P4HA3: variants seen among roughly 807,000 people sequenced by gnomAD.
The protein encoded by P4HA3 is prolyl 4-hydroxylase subunit alpha 3.
In P4HA3, 60 loss-of-function variants were observed where a neutral mutation model predicts 66.7. The observed-to-expected ratio is 0.90, with a 90% confidence interval of 0.73 to 1.12. The LOEUF (loss-of-function observed/expected upper bound fraction) is 1.12, where lower values mean the gene tolerates loss of function less well. Among genes scored for constraint, P4HA3 ranks in the 50% most tolerant of loss-of-function variants. The pLI is 0.00. For missense variants in P4HA3, 683 were observed against 685.8 expected (o/e 1.00, Z 0.05); for synonymous variants, 263 against 274.6 (o/e 0.96, Z 0.42).
intron 10 of P4HA3, among the ~76,000 whole-genome samples, chr11:74,271,652 G>A (rs964404486): frequency 4.6e-5 from 7 of 151,948 alleles, no homozygotes; most frequent in African/African-American, 1.2e-4. Context: ...GCACACCACC[G>A]CACCCAGATT....
chr11:74,307,417 T>A (rs753449849), intron 1 of P4HA3, among the ~76,000 whole-genome samples: 22 of 152,196 alleles, frequency 1.4e-4, no homozygotes, highest in Admixed American at 6.5e-5. Flanking sequence ...CTTCCTTGTT[T>A]TCTTAGCACC....
At chr11:74,255,804 T>C (rs1859818082) in intron 15 of P4HA3, 2 of 375,490 alleles carry the variant, frequency 5.3e-6, no homozygotes, top group Non-Finnish European at 5.4e-6. Context: ...TTTTAACAAG[T>C]GCATCAATGT....
rs538465022 is a variant in P4HA3, at chr11:74,292,771, A to T, written c.718-3641T>A. 6.1e-4 allele frequency among the ~76,000 whole-genome samples: 93 copies of T among 152,264 alleles called. 1 individual carries two copies. Among genetic ancestry groups the T allele is most frequent in the African/African-American group, 1.8e-3 (73 of 41,554 alleles). ...TTGAGCGGTTTTGAGTGAGTTTCTT[A>T]ATCCTGAGTTCTAGTTTGACTGCAC... On this transcript the variant is annotated intron_variant, in intron 4 of 12. Coordinates refer to ENST00000331597, the MANE Select transcript of P4HA3 (RefSeq NM_182904.5).
At position 74,277,137 on chromosome 11, in the gene P4HA3, G is replaced by T. The variant is rs756042814; in HGVS notation, c.1183C>A (p.Leu395Met). 4.1e-5 allele frequency: 66 copies of T among 1,613,410 alleles called. No individual in the cohort carries two copies. Residue 395 changes from leucine to methionine, a missense_variant, in exon 9 of 13, where the codon CTG becomes ATG. Transcript: ENST00000331597. Reference protein sequence around the residue: ...VEYRISKSAWLKDTVDPKLVT... With the variant: ...VEYRISKSAWMKDTVDPKLVT... ...AGTTTTGGGTCAACAGTGTCCTTCAGCCAGGCACTAAAACACACCACAGAT... is the reference window on the plus strand; with the variant it reads ...AGTTTTGGGTCAACAGTGTCCTTCATCCAGGCACTAAAACACACCACAGAT...
rs150475176 is a variant in P4HA3 at position 74,275,764 on chromosome 11, G to A, written c.1335+1221C>T. Among the ~76,000 whole-genome samples, 67 of 152,106 alleles carry A rather than the reference G, an allele frequency of 4.4e-4. 1 individual carries two copies. In the East Asian group the frequency reaches 0.011, roughly 25 times the overall value. Reference sequence around the variant, plus strand: ...GGTTCAATTTATAGATCAATTTTGGGGAGGTCATTTTAATCCTCAAAAATC... The same window carrying A: ...GGTTCAATTTATAGATCAATTTTGGAGAGGTCATTTTAATCCTCAAAAATC... On this transcript the variant is annotated intron_variant, in intron 9 of 12. Transcript: ENST00000331597.
At chr11:74,289,287 G>A (rs1230716951) in intron 4 of P4HA3, among the ~76,000 whole-genome samples, 157 bp from the exon 5 acceptor site, 1 of 151,690 alleles carries the variant, frequency 6.6e-6, no homozygotes, top group African/African-American at 2.4e-5. Flanking sequence ...AAATGCAGAG[G>A]ATCTGTGGCC....
chr11:74,253,449 G>A (rs1859755254), intron 15 of P4HA3: 1 of 1,579,418 alleles, frequency 6.3e-7, no homozygotes, highest in East Asian at 2.2e-5. Flanking sequence ...GAAAGCTATT[G>A]ATAGTTACAT....
chr11:74,250,824 T>C (rs1859638672), intron 15 of P4HA3: 1 of 691,986 alleles, frequency 1.4e-6, no homozygotes, highest in African/African-American at 1.8e-5. Flanking sequence ...GACTTGATAA[T>C]TGGGTCCAGA....
intron 2 of P4HA3, among the ~76,000 whole-genome samples, chr11:74,303,410 T>C (rs1861477219): frequency 6.7e-6 from 1 of 150,124 alleles, no homozygotes; most frequent in Non-Finnish European, 1.5e-5. Flanking sequence ...TTCTTGTGCC[T>C]CAGCTTCCCA....
At chr11:74,299,281 A>G (rs1298649458) in intron 3 of P4HA3, among the ~76,000 whole-genome samples, 1 of 152,212 alleles carries the variant, frequency 6.6e-6, no homozygotes, top group Non-Finnish European at 1.5e-5. Flanking sequence ...CTGGAAGTTG[A>G]TATTGGAGAC....
chr11:74,280,989 G>A (rs1002042047), intron 7 of P4HA3, among the ~76,000 whole-genome samples: 21 of 151,932 alleles, frequency 1.4e-4, no homozygotes, highest in Admixed American at 6.6e-5. Context: ...CTGACAAAGG[G>A]CTAATATCCA....
chr11:74,263,863 C>T (rs1450282513), downstream of P4HA3, among the ~76,000 whole-genome samples: 2 of 152,136 alleles, frequency 1.3e-5, no homozygotes, highest in Non-Finnish European at 2.9e-5. Context: ...GTGGCTCATG[C>T]CTGTAATCCT....
At chr11:74,291,036 A>G (rs946408260) in intron 4 of P4HA3, among the ~76,000 whole-genome samples, 1 of 152,218 alleles carries the variant, frequency 6.6e-6, no homozygotes, top group Admixed American at 6.5e-5. Flanking sequence ...TACTTTGGGC[A>G]GTATGGCCAT....
Position 74,302,606 on chromosome 11 carries a change from A to G in P4HA3, c.344-14T>C. The G allele has an allele frequency of 1.2e-6, 2 of 1,604,288 alleles. No individual in the cohort carries two copies. The highest frequency in any genetic ancestry group is 1.7e-6 in the Non-Finnish European group (2 of 1,174,752). On this transcript the variant is annotated splice_polypyrimidine_tract_variant and intron_variant, in intron 2 of 12. Coordinates refer to ENST00000331597, the MANE Select transcript of P4HA3 (RefSeq NM_182904.5). ...CATCCTTCAGAGCTGTAAAAGTAGTAAAAACATCAACCCAGCATTCAAGAA... is the reference window on the plus strand; with the variant it reads ...CATCCTTCAGAGCTGTAAAAGTAGTGAAAACATCAACCCAGCATTCAAGAA...
chr11:74,267,583 T>C (rs1392848163), intron 12 of P4HA3, among the ~76,000 whole-genome samples: 1 of 152,200 alleles, frequency 6.6e-6, no homozygotes, highest in African/African-American at 2.4e-5. Context: ...GTTTGGGAAC[T>C]AAGATCACTC....
At chr11:74,260,031 G>A (rs7949639) in exon 15 of P4HA3, 23,944 of 152,168 alleles carry the variant, frequency 0.16, 2,168 homozygotes, top group East Asian at 0.3. Flanking sequence ...CACCAGCAAC[G>A]CATGAGAGTT....
chr11:74,294,267 G>A (rs1023859759), intron 4 of P4HA3, among the ~76,000 whole-genome samples: 1 of 152,114 alleles, frequency 6.6e-6, no homozygotes, highest in Non-Finnish European at 1.5e-5. Context: ...CATTCGTCAC[G>A]TAGCTCTCGT....
At chr11:74,251,375 T>A (rs1859655727) in intron 15 of P4HA3, 1 of 1,359,730 alleles carries the variant, frequency 7.4e-7, no homozygotes, top group Non-Finnish European at 9.4e-7. Context: ...GGGCTCCTCC[T>A]GTGAGAAAAC....
intron 15 of P4HA3, chr11:74,251,601 C>T (rs774962989): frequency 1.9e-6 from 3 of 1,601,176 alleles, no homozygotes; most frequent in Non-Finnish European, 2.6e-6. Context: ...AAGGCTAAGC[C>T]CCATCACTAA....
Sources: gnomAD v4.1 joint callset for allele counts (sites outside exome capture counted in the v4.1 genomes callset) on GRCh38, gnomAD v4.1.1 for gene constraint, MANE v1.5 for transcripts, NCBI Gene and HGNC (gene_info 2026-07-23, HGNC 2026-07-21) for gene names.